EHMT1: variants seen among roughly 807,000 people sequenced by gnomAD.
EHMT1 encodes the protein histone-lysine N-methyltransferase EHMT1.
In EHMT1, 15 loss-of-function variants were observed where a neutral mutation model predicts 147.2. The observed-to-expected ratio is 0.10, with a 90% CI of 0.07 to 0.16. The LOEUF is 0.16. EHMT1 is among the 10% of genes least tolerant of loss of function. The probability of loss-of-function intolerance (pLI) is 1.00; values close to 1 mark genes in which losing one functional copy is unlikely to be tolerated. For synonymous variants in EHMT1, 795 were observed against 709.6 expected (o/e 1.12, Z -1.91); for missense variants, 1,587 against 1,772.4 (o/e 0.90, Z 1.88).
chr9:137,681,048 C>G (rs1335863624), intron 1 of EHMT1: 2 of 152,318 alleles, frequency 1.3e-5, no homozygotes, highest in Non-Finnish European at 2.9e-5. Context: ...ACCCGCTGGA[C>G]TGAGTTTTAG....
chr9:137,673,997 G>A (rs1011717618), intron 1 of EHMT1, among the ~76,000 whole-genome samples: 1 of 152,214 alleles, frequency 6.6e-6, no homozygotes, highest in African/African-American at 2.4e-5. Flanking sequence ...TCTTGGAATA[G>A]AGCCCAGGAG....
chr9:137,812,942 C>G, intron 19 of EHMT1, 64 bp from the exon 20 acceptor site: 1 of 1,594,036 alleles, frequency 6.3e-7, no homozygotes, highest in Non-Finnish European at 8.6e-7. Flanking sequence ...TTTTATAAAT[C>G]TCATCTGTAT....
chr9:137,732,008 G>GT lies in EHMT1; in HGVS notation c.823+3479_823+3480insT, dbSNP rs1438596845. Among the ~76,000 whole-genome samples the GT allele has an allele frequency of 6.6e-6, 1 of 152,226 alleles. No individual in the cohort carries two copies. Among genetic ancestry groups the GT allele is most frequent in the African/African-American group, 2.4e-5 (1 of 41,460 alleles). On this transcript the variant is annotated intron_variant, in intron 4 of 26. Transcript: ENST00000460843. This position sits in a 1 kb window ranked among gnomAD's most constrained non-coding sequence, Gnocchi z 4.6. ...CACCAGCAACTGCAGAGCCCCAAGG[G>GT]GATAGGGTGGGAGAGTGTGCTATAG...
At chr9:137,795,507 C>G (rs908673258) in intron 16 of EHMT1, among the ~76,000 whole-genome samples, 9 of 152,070 alleles carry the variant, frequency 5.9e-5, no homozygotes, top group African/African-American at 9.7e-5. Context: ...CACACCCATT[C>G]ACCTAACATG....
intron 18 of EHMT1, among the ~76,000 whole-genome samples, chr9:137,802,240 G>A (rs145599353): frequency 1.6e-4 from 25 of 152,276 alleles, no homozygotes; most frequent in East Asian, 1.2e-3. Context: ...CTCCCAAGAC[G>A]GGCATAGACA....
chr9:137,779,412 A>G (rs1258674227), intron 13 of EHMT1, among the ~76,000 whole-genome samples: 4 of 152,338 alleles, frequency 2.6e-5, no homozygotes, highest in Middle Eastern at 3.4e-3. Flanking sequence ...TCTTGTCCGC[A>G]GTTTTTACCA....
rs1424426997 is a variant in EHMT1 at position 137,782,176 on chromosome 9, T to C, written c.2276-115T>C. The C allele has an allele frequency of 3.3e-5, 32 of 982,388 alleles. No individual in the cohort carries two copies. In the Admixed American group the frequency reaches 6.4e-4, roughly 20 times the overall value. 60.9% of individuals were successfully genotyped at this position (982,388 alleles called of 1,614,324 possible). Reference sequence around the variant, plus strand: ...GGGCGGGTTCCGGCGTGGCTCGAGGTGGCTGTTTATGTGGAGGATGGTCAT... The same window carrying C: ...GGGCGGGTTCCGGCGTGGCTCGAGGCGGCTGTTTATGTGGAGGATGGTCAT... On this transcript the variant is annotated intron_variant, in intron 14 of 26. Coordinates refer to ENST00000460843, the MANE Select transcript of EHMT1 (RefSeq NM_024757.5). The surrounding 1 kb of genome is among the most constrained non-coding windows in gnomAD (Gnocchi z 5.7).
intron 1 of EHMT1, among the ~76,000 whole-genome samples, chr9:137,622,301 T>A (rs973651372): frequency 6.6e-6 from 1 of 151,938 alleles, no homozygotes; most frequent in African/African-American, 2.4e-5. Flanking sequence ...GTGTTTTCAG[T>A]AGAGATGGGG....
intron 1 of EHMT1, among the ~76,000 whole-genome samples, chr9:137,626,632 T>C (rs1159544118): frequency 2.0e-5 from 3 of 152,154 alleles, no homozygotes; most frequent in Non-Finnish European, 4.4e-5. Flanking sequence ...TGATGTAACC[T>C]TTCCTTTAGT....
At position 137,787,876 on chromosome 9, in the gene EHMT1, G is replaced by T. The variant is rs936817165; in HGVS notation, c.2383-2972G>T. 5 of 1,234,570 alleles carry T rather than the reference G, an allele frequency of 4.0e-6. No homozygotes were observed. Among genetic ancestry groups the T allele is most frequent in the Non-Finnish European group, 4.8e-6 (4 of 837,904 alleles). The allele number at this position is 1,234,570 out of a possible 1,614,324, so 76.5% of individuals were successfully genotyped here. ...CATTGGGGATAGGAGGTGGGTGGGGGTGCCAAGGGCATTACCACATTGGGA... is the reference window on the plus strand; with the variant it reads ...CATTGGGGATAGGAGGTGGGTGGGGTTGCCAAGGGCATTACCACATTGGGA... On this transcript the variant is annotated intron_variant, in intron 15 of 26. Coordinates refer to ENST00000460843, the MANE Select transcript of EHMT1 (RefSeq NM_024757.5). The surrounding 1 kb of genome is among the most constrained non-coding windows in gnomAD (Gnocchi z 4.2).
chr9:137,814,941 G>GTTT (rs1230396526), intron 22 of EHMT1: 15 of 307,160 alleles, frequency 4.9e-5, no homozygotes, highest in African/African-American at 2.6e-4. Flanking sequence ...AGGATTGGAA[G>GTTT]TTTCTGTTGG....
intron 21 of EHMT1, among the ~76,000 whole-genome samples, chr9:137,814,012 C>T (rs1483226476): frequency 3.4e-5 from 5 of 145,828 alleles, no homozygotes; most frequent in African/African-American, 1.3e-4. Flanking sequence ...TGTGGCTCTG[C>T]TTGTGGGCAG....
intron 1 of EHMT1, among the ~76,000 whole-genome samples, chr9:137,664,420 C>T (rs1035989082): frequency 1.3e-5 from 2 of 151,658 alleles, no homozygotes; most frequent in Non-Finnish European, 2.9e-5. Flanking sequence ...CCACCACACT[C>T]GGCTAATTTT....
At chr9:137,641,770 A>G (rs1169207239) in intron 1 of EHMT1, among the ~76,000 whole-genome samples, 3 of 151,196 alleles carry the variant, frequency 2.0e-5, no homozygotes, top group African/African-American at 7.3e-5. Flanking sequence ...CCGGGAGGAG[A>G]GTCTGGACCC....
At chr9:137,821,092 G>A (rs757925167) in intron 25 of EHMT1, among the ~76,000 whole-genome samples, 25 of 152,180 alleles carry the variant, frequency 1.6e-4, no homozygotes, top group Non-Finnish European at 3.2e-4. Context: ...TTAGCGGGAT[G>A]GTCTTGATCT....
At chr9:137,697,246 A>T in intron 1 of EHMT1, 1 of 231,930 alleles carries the variant, frequency 4.3e-6, no homozygotes. Flanking sequence ...GTGCCACTGC[A>T]CGCCAGCCTG....
intron 6 of EHMT1, among the ~76,000 whole-genome samples, chr9:137,748,409 C>T (rs914790447): frequency 6.6e-6 from 1 of 152,240 alleles, no homozygotes; most frequent in Non-Finnish European, 1.5e-5. Context: ...GTCCGTCCCA[C>T]TGTGGATGGC....
At chr9:137,633,425 A>G (rs1311494223) in intron 1 of EHMT1, among the ~76,000 whole-genome samples, 1 of 152,090 alleles carries the variant, frequency 6.6e-6, no homozygotes, top group African/African-American at 2.4e-5. Context: ...CATCATAAAA[A>G]TTACTGGAGC....
chr9:137,821,330 T>TTTTC (rs1199175501), intron 25 of EHMT1, among the ~76,000 whole-genome samples: 1 of 142,696 alleles, frequency 7.0e-6, no homozygotes, highest in African/African-American at 2.6e-5. Context: ...TTTTTTTTTT[T>TTTTC]TTTTTTTTTT....
Sources: gnomAD v4.1 joint callset for allele counts (sites outside exome capture counted in the v4.1 genomes callset) on GRCh38, gnomAD v4.1.1 for gene constraint, Gnocchi (gnomAD v3.1) non-coding constraint, MANE v1.5 for transcripts, NCBI Gene and HGNC (gene_info 2026-07-23, HGNC 2026-07-21) for gene names.